The following RBFOX1 variants were observed in gnomAD, a reference collection of about 807,000 sequenced individuals.
RBFOX1 encodes RNA binding fox-1 homolog 1, also known as RNA binding protein fox-1 homolog 1.
RBFOX1 carries 8 observed loss-of-function variants against 57.7 expected under a neutral mutation model. That is an observed-to-expected ratio of 0.14 (90% confidence interval 0.08 to 0.25). RBFOX1 has a LOEUF of 0.25. RBFOX1 is among the 10% of genes least tolerant of loss of function. RBFOX1 has a pLI of 1.00. For missense variants in RBFOX1, 611 were observed against 548.5 expected (o/e 1.11, Z -1.14); for synonymous variants, 326 against 222.4 (o/e 1.47, Z -4.15).
At chr16:5,308,082 G>T (rs11640934) in intron 1 of RBFOX1, among the ~76,000 whole-genome samples, 83,948 of 152,034 alleles carry the variant, frequency 0.55, 26,319 homozygotes, top group South Asian at 0.73. Flanking sequence ...GCTCACGCTT[G>T]TAATCCCAGC....
rs191385839 is a variant in RBFOX1 at position 7,336,411 on chromosome 16, C to T, written c.28-181736C>T. ...ATTGGACAAATCGTTCCCATTTCAT[C>T]CAGGTCTGACAGATGATGAGTCAGC... On this transcript the variant is annotated intron_variant, in intron 4 of 15. Transcript: ENST00000550418. Among the ~76,000 whole-genome samples, 9 of 152,326 alleles carry T rather than the reference C, an allele frequency of 5.9e-5. No individual in the cohort carries two copies. The East Asian group carries it at 1.5e-3, about 26-fold the overall frequency.
chr16:6,020,725 A>T (rs139723159), intron 1 of RBFOX1, among the ~76,000 whole-genome samples: 3 of 152,134 alleles, frequency 2.0e-5, no homozygotes, highest in Non-Finnish European at 4.4e-5. Flanking sequence ...GCTCCAATCA[A>T]CCAATTGTCC....
chr16:5,946,059 G>A lies in RBFOX1; in HGVS notation c.351+78724G>A, dbSNP rs1393065342. Among the ~76,000 whole-genome samples the A allele has an allele frequency of 6.6e-6, 1 of 152,208 alleles. No individual in the cohort carries two copies. Among genetic ancestry groups the A allele is most frequent in the Non-Finnish European group, 1.5e-5 (1 of 68,052 alleles). On this transcript the variant is annotated intron_variant, in intron 4 of 19. Coordinates refer to the RBFOX1 transcript ENST00000641259. This position sits in a 1 kb window ranked among gnomAD's most constrained non-coding sequence, Gnocchi z 4.6. ...TCTGCTTTGTTTGCTAGTAAAGTGAGGGGGAGACAGGGTTTTAATTAGTGG... is the reference window on the plus strand; with the variant it reads ...TCTGCTTTGTTTGCTAGTAAAGTGAAGGGGAGACAGGGTTTTAATTAGTGG...
chr16:6,198,135 G>C (rs975161759), intron 1 of RBFOX1, among the ~76,000 whole-genome samples: 1 of 152,104 alleles, frequency 6.6e-6, no homozygotes, highest in Non-Finnish European at 1.5e-5. Context: ...GGAAGGATGA[G>C]GGGGGTGACA....
chr16:6,680,084 C>T (rs539907036), intron 3 of RBFOX1, among the ~76,000 whole-genome samples: 1 of 151,824 alleles, frequency 6.6e-6, no homozygotes, highest in African/African-American at 2.4e-5. Context: ...AAGAGATTGG[C>T]AACTTGGAAC....
At chr16:6,639,572 A>G (rs767064188) in intron 2 of RBFOX1, among the ~76,000 whole-genome samples, 1 of 152,200 alleles carries the variant, frequency 6.6e-6, no homozygotes, top group Non-Finnish European at 1.5e-5. Flanking sequence ...ATAAATACAC[A>G]TAATTTAAAG....
At chr16:6,354,375 C>G (rs1403542189) in intron 2 of RBFOX1, among the ~76,000 whole-genome samples, 1 of 152,222 alleles carries the variant, frequency 6.6e-6, no homozygotes, top group East Asian at 1.9e-4. Flanking sequence ...ATCTTCGTTT[C>G]TTTGTCTGAC....
intron 3 of RBFOX1, among the ~76,000 whole-genome samples, chr16:6,868,629 G>A (rs1238174851): frequency 2.6e-5 from 4 of 152,024 alleles, no homozygotes; most frequent in South Asian, 2.1e-4. Context: ...ACACCACCAC[G>A]CCCAGCTAAT....
chr16:6,247,207 CAG>C (rs1471777274), intron 1 of RBFOX1, among the ~76,000 whole-genome samples: 1 of 152,182 alleles, frequency 6.6e-6, no homozygotes, highest in East Asian at 1.9e-4. Flanking sequence ...TTGGAAACGT[CAG>C]AGACTCACTT....
intron 3 of RBFOX1, among the ~76,000 whole-genome samples, chr16:6,668,304 A>T (rs1287779123): frequency 6.6e-6 from 1 of 152,186 alleles, no homozygotes; most frequent in Non-Finnish European, 1.5e-5. Context: ...TTGATTAGTG[A>T]TGCCTGCCAA....
At chr16:6,480,484 C>T (rs1040313753) in intron 2 of RBFOX1, among the ~76,000 whole-genome samples, 3 of 152,180 alleles carry the variant, frequency 2.0e-5, no homozygotes, top group Non-Finnish European at 4.4e-5. Flanking sequence ...ATTTTTTACA[C>T]ATCACGAAAT....
chr16:5,332,768 G>A (rs1022203417), intron 1 of RBFOX1, among the ~76,000 whole-genome samples: 4 of 151,632 alleles, frequency 2.6e-5, no homozygotes, highest in Admixed American at 6.6e-5. Flanking sequence ...GAAAATACAA[G>A]GGCAGTTTTA....
intron 3 of RBFOX1, among the ~76,000 whole-genome samples, chr16:5,735,940 C>T (rs1231739817): frequency 6.6e-6 from 1 of 152,074 alleles, no homozygotes; most frequent in Non-Finnish European, 1.5e-5. Context: ...ACACATGTTC[C>T]CCAGATGGGA....
intron 4 of RBFOX1, among the ~76,000 whole-genome samples, chr16:5,902,192 C>G (rs1448668533): frequency 1.3e-5 from 2 of 152,106 alleles, no homozygotes; most frequent in Non-Finnish European, 1.5e-5. Context: ...CTCTCTCACC[C>G]TTACAACAGA....
At chr16:5,917,264 A>G (rs139453543) in intron 4 of RBFOX1, among the ~76,000 whole-genome samples, 1,879 of 152,298 alleles carry the variant, frequency 0.012, 23 homozygotes, top group Non-Finnish European at 0.02. Flanking sequence ...AAACATGCCC[A>G]TGGAAGCGTG....
intron 2 of RBFOX1, among the ~76,000 whole-genome samples, chr16:6,601,616 C>T (rs978792717): frequency 1.3e-5 from 2 of 152,094 alleles, no homozygotes; most frequent in Admixed American, 6.6e-5. Flanking sequence ...ATCCCCAGTC[C>T]AATCCTTGGG....
chr16:5,660,369 G>A lies in RBFOX1; in HGVS notation c.318+61408G>A, dbSNP rs561578430. On this transcript the variant is annotated intron_variant, in intron 3 of 19. Coordinates refer to the RBFOX1 transcript ENST00000641259. ...GTTTTCGGCTTAGCTGGTAGAGTCC[G>A]GTGACTATGAAGGGGTCTTTGGCTC... 1.1e-4 allele frequency among the ~76,000 whole-genome samples: 16 copies of A among 152,274 alleles called. No individual in the cohort carries two copies. The South Asian group carries it at 1.7e-3, about 16-fold the overall frequency.
chr16:7,351,145 C>G (rs1362142078), intron 4 of RBFOX1, among the ~76,000 whole-genome samples: 1 of 152,178 alleles, frequency 6.6e-6, no homozygotes, highest in Non-Finnish European at 1.5e-5. Context: ...CAAGTTATGA[C>G]CACAGGGGAC....
At chr16:7,191,075 T>C (rs972431639) in intron 4 of RBFOX1, among the ~76,000 whole-genome samples, 2 of 152,142 alleles carry the variant, frequency 1.3e-5, no homozygotes, top group African/African-American at 4.8e-5. Flanking sequence ...GAGTGTGATA[T>C]CATTAGAACA....
Sources: allele counts gnomAD v4.1 joint callset (sites outside exome capture counted in the v4.1 genomes callset), GRCh38; gene constraint gnomAD v4.1.1; non-coding constraint Gnocchi (gnomAD v3.1); transcripts MANE v1.5; gene names NCBI Gene and HGNC (gene_info 2026-07-23, HGNC 2026-07-21).